The following KSR2 variants were observed in gnomAD, a reference collection of about 807,000 sequenced individuals.
The protein encoded by KSR2 is kinase suppressor of ras 2.
KSR2 carries 25 observed loss-of-function variants against 107.8 expected under a neutral mutation model. The observed-to-expected ratio is 0.23, with a 90% CI of 0.17 to 0.32. KSR2 has a LOEUF of 0.32. KSR2 is among the 10% of genes least tolerant of loss of function. The probability of loss-of-function intolerance (pLI) is 1.00; values close to 1 mark genes in which losing one functional copy is unlikely to be tolerated. For synonymous variants in KSR2, 480 were observed against 507.0 expected, an observed-to-expected ratio of 0.95 and a Z score of 0.71; for missense variants, 887 against 1,268.9, an observed-to-expected ratio of 0.70 and a Z score of 4.57.
intron 15 of KSR2, among the ~76,000 whole-genome samples, 185 bp downstream of exon 15, chr12:117,485,410 A>T (rs1286752665): frequency 6.6e-6 from 1 of 152,212 alleles, no homozygotes; most frequent in Admixed American, 6.5e-5. Flanking sequence ...TAAAGATCGT[A>T]TCGAGGCAGA....
intron 1 of KSR2, among the ~76,000 whole-genome samples, chr12:117,937,745 G>T (rs1475530557): frequency 6.6e-6 from 1 of 150,912 alleles, no homozygotes; most frequent in Non-Finnish European, 1.5e-5. Context: ...GATCACTTGA[G>T]GTCAGGAGTT....
chr12:117,861,592 G>A (rs1381388527), intron 1 of KSR2, among the ~76,000 whole-genome samples: 2 of 151,616 alleles, frequency 1.3e-5, no homozygotes, highest in African/African-American at 2.4e-5. Flanking sequence ...GTTTCACCAT[G>A]TTAGCCAGGA....
intron 17 of KSR2, among the ~76,000 whole-genome samples, chr12:117,474,570 T>C (rs1871660479): frequency 6.6e-6 from 1 of 152,148 alleles, no homozygotes; most frequent in East Asian, 1.9e-4. Flanking sequence ...CCCCCAGCCC[T>C]TGCAACCACA....
Position 117,539,725 on chromosome 12 carries a change from G to A in KSR2, c.1681C>T (p.Leu561=), listed in dbSNP as rs1486135931. 2.5e-6 allele frequency: 4 copies of A among 1,598,546 alleles called. No individual in the cohort carries two copies. Among genetic ancestry groups the A allele is most frequent in the African/African-American group, 1.4e-5 (1 of 73,858 alleles). ...QCTRQQKNFN[L]PASHYYKYKQ... Reference sequence around the variant, plus strand: ...TCCCCAAGCATGGAGGTACCTGGCAGGTTGAAGTTCTTCTGCTGCCGTGTG... The same window carrying A: ...TCCCCAAGCATGGAGGTACCTGGCAAGTTGAAGTTCTTCTGCTGCCGTGTG... The change falls in exon 10 of 20, where the codon CTG becomes TTG. Residue 561 remains leucine (L), a synonymous_variant. Coordinates refer to ENST00000339824, the MANE Select transcript of KSR2 (RefSeq NM_173598.6).
chr12:117,736,972 C>T (rs1593184166), intron 4 of KSR2, among the ~76,000 whole-genome samples: 2 of 152,276 alleles, frequency 1.3e-5, no homozygotes, highest in South Asian at 4.1e-4. Flanking sequence ...TGGGAATTAA[C>T]CCTCGAAGAA....
chr12:117,700,885 T>G (rs1002284687), intron 4 of KSR2, among the ~76,000 whole-genome samples: 14 of 152,132 alleles, frequency 9.2e-5, no homozygotes, highest in African/African-American at 2.9e-4. Flanking sequence ...TGATTCCAGA[T>G]GGTAAAAAGG....
chr12:117,471,980 T>C (rs554272684), intron 17 of KSR2, among the ~76,000 whole-genome samples: 1 of 151,830 alleles, frequency 6.6e-6, no homozygotes, highest in Admixed American at 6.6e-5. Context: ...TTTATACTTG[T>C]CCTTTTTTTT....
chr12:117,881,508 G>A (rs77979123), intron 1 of KSR2, among the ~76,000 whole-genome samples: 4,490 of 152,276 alleles, frequency 0.029, 210 homozygotes, highest in African/African-American at 0.1. Flanking sequence ...TATAAGCCCC[G>A]CTGTGTCATT....
intron 1 of KSR2, among the ~76,000 whole-genome samples, chr12:117,884,857 T>C (rs1464702913): frequency 6.6e-6 from 1 of 152,152 alleles, no homozygotes; most frequent in Non-Finnish European, 1.5e-5. Flanking sequence ...CTCTACCATC[T>C]GCTCCGTTCC....
intron 7 of KSR2, among the ~76,000 whole-genome samples, chr12:117,561,190 T>C (rs186202050): frequency 1.3e-5 from 2 of 152,318 alleles, no homozygotes; most frequent in Non-Finnish European, 1.5e-5. Context: ...TGACAGAGTG[T>C]TAGACAAATG....
chr12:117,703,760 T>C (rs972312508), intron 4 of KSR2, among the ~76,000 whole-genome samples: 9 of 152,226 alleles, frequency 5.9e-5, no homozygotes, highest in African/African-American at 2.2e-4. Flanking sequence ...ACCAATCTCT[T>C]CCAGACCTGC....
chr12:117,723,885 G>A (rs543552014), intron 4 of KSR2, among the ~76,000 whole-genome samples: 3 of 152,100 alleles, frequency 2.0e-5, no homozygotes, highest in Non-Finnish European at 4.4e-5. Flanking sequence ...CAAAGTACTA[G>A]TATAGATATC....
chr12:117,910,680 C>T (rs1894984226), intron 1 of KSR2, among the ~76,000 whole-genome samples: 1 of 152,202 alleles, frequency 6.6e-6, no homozygotes, highest in Non-Finnish European at 1.5e-5. Context: ...CACCTGTACC[C>T]TCTTGTTATG....
At chr12:117,607,332 T>C (rs1881330627) in intron 5 of KSR2, among the ~76,000 whole-genome samples, 1 of 152,222 alleles carries the variant, frequency 6.6e-6, no homozygotes, top group African/African-American at 2.4e-5. Flanking sequence ...TCCTCTAGTC[T>C]TCTCCGTGAC....
intron 3 of KSR2, among the ~76,000 whole-genome samples, chr12:117,769,289 T>A (rs1448100530): frequency 6.6e-6 from 1 of 152,002 alleles, no homozygotes; most frequent in Non-Finnish European, 1.5e-5. Context: ...TCCCATCTGA[T>A]CTCTGAATCT....
At chr12:117,950,715 TG>T (rs1381357795) in intron 1 of KSR2, among the ~76,000 whole-genome samples, 4 of 144,844 alleles carry the variant, frequency 2.8e-5, no homozygotes, top group African/African-American at 1.0e-4. Flanking sequence ...CATCCTAGCC[TG>T]GGTGACAGAG....
chr12:117,934,418 G>A (rs576634694), intron 1 of KSR2, among the ~76,000 whole-genome samples: 2 of 152,312 alleles, frequency 1.3e-5, no homozygotes, highest in African/African-American at 4.8e-5. Context: ...GTGATAAAAT[G>A]CAAGTGTGGC....
rs375972741 is a variant in KSR2 at position 117,512,398 on chromosome 12, C to T, written c.2219+12454G>A. Among the ~76,000 whole-genome samples, 50 of 152,240 alleles carry T rather than the reference C, an allele frequency of 3.3e-4. No homozygotes were observed. The South Asian group carries it at 9.3e-3, about 28-fold the overall frequency. On this transcript the variant is annotated intron_variant, in intron 14 of 19. Transcript: ENST00000339824. Reference sequence around the variant, plus strand: ...TTCTCTTCTCAGCTTTTTCTTTCCCCTAACAAAGCTGCTGGTTCTCAAAGT... The same window carrying T: ...TTCTCTTCTCAGCTTTTTCTTTCCCTTAACAAAGCTGCTGGTTCTCAAAGT...
intron 4 of KSR2, among the ~76,000 whole-genome samples, chr12:117,684,830 A>G (rs1885502581): frequency 6.6e-6 from 1 of 152,326 alleles, no homozygotes; most frequent in African/African-American, 2.4e-5. Flanking sequence ...AATTCAACAC[A>G]GGCTGGAGTG....
Sources: gnomAD v4.1 joint callset for allele counts (sites outside exome capture counted in the v4.1 genomes callset) on GRCh38, gnomAD v4.1.1 for gene constraint, MANE v1.5 for transcripts, NCBI Gene and HGNC (gene_info 2026-07-23, HGNC 2026-07-21) for gene names.